The following SHISA9 variants were observed in gnomAD, a reference collection of about 807,000 sequenced individuals.
SHISA9 encodes protein shisa-9.
Under a neutral mutation model 38.0 loss-of-function variants are expected in SHISA9, and 13 were observed. That is an observed-to-expected ratio of 0.34 (90% CI 0.22 to 0.54). SHISA9 has a LOEUF of 0.54. Among genes scored for constraint, SHISA9 ranks in the 20% least tolerant of loss-of-function variants. SHISA9 has a pLI of 0.91. For missense variants in SHISA9, 538 were observed against 575.8 expected (o/e 0.93, Z 0.67); for synonymous variants, 275 against 242.0 (o/e 1.14, Z -1.27).
chr16:13,358,062 G>A, the SHISA9 span, among the ~76,000 whole-genome samples: 4 of 152,162 alleles, frequency 2.6e-5, no homozygotes, highest in Admixed American at 2.0e-4. Context: ...AGGCCTGACA[G>A]TATGCCTCTG....
At position 13,193,905 on chromosome 16, in the gene SHISA9, C is replaced by A. The variant is rs189970603; in HGVS notation, c.692-9489C>A. On this transcript the variant is annotated intron_variant, in intron 2 of 4. Coordinates refer to ENST00000558583, the MANE Select transcript of SHISA9 (RefSeq NM_001145204.3). ...CTGTTTCTTAACTGGCTCAGCTGCCCTGTGACAGCTCAGAGCTTCACTATG... is the reference window on the plus strand; with the variant it reads ...CTGTTTCTTAACTGGCTCAGCTGCCATGTGACAGCTCAGAGCTTCACTATG... Among the ~76,000 whole-genome samples the A allele has an allele frequency of 2.5e-3, 379 of 152,240 alleles. 6 individuals carry two copies. Among genetic ancestry groups the A allele is most frequent in the Non-Finnish European group, 3.0e-3 (202 of 68,022 alleles).
the SHISA9 span, among the ~76,000 whole-genome samples, chr16:13,530,934 A>T: frequency 6.6e-6 from 1 of 152,162 alleles, no homozygotes; most frequent in Non-Finnish European, 1.5e-5. Context: ...AATCTCTTCC[A>T]TTTCTGAATG....
intron 2 of SHISA9, among the ~76,000 whole-genome samples, chr16:13,199,332 G>A (rs1209682461): frequency 6.6e-6 from 1 of 152,206 alleles, no homozygotes; most frequent in Non-Finnish European, 1.5e-5. Context: ...CTATGCACGA[G>A]TCAGCCAAAT....
In SHISA9 at chr16:12,902,867, T is replaced by TGTGTGTGTGA. The variant is rs1177790785; in HGVS notation, c.563+241_563+242insTGTGTGTGAG. The TGTGTGTGTGA allele has an allele frequency of 3.8e-4, 192 of 503,198 alleles. 1 individual carries two copies. The East Asian group carries it at 3.9e-3, about 10-fold the overall frequency. The allele number at this position is 503,198 out of a possible 1,614,324, so 31.2% of individuals were successfully genotyped here. On this transcript the variant is annotated intron_variant, in intron 1 of 4. Transcript: ENST00000558583. ...GTGTGAGCGTGTGTGTGTGTGTGTGTGACTCTGCTCCCTCACCCTCTGGCC... is the reference window on the plus strand; with the variant it reads ...GTGTGAGCGTGTGTGTGTGTGTGTGTGTGTGTGTGAGACTCTGCTCCCTCACCCTCTGGCC...
chr16:13,380,372 T>TA, the SHISA9 span, among the ~76,000 whole-genome samples: 1 of 152,110 alleles, frequency 6.6e-6, no homozygotes, highest in South Asian at 2.1e-4. Flanking sequence ...TTCAATGCTT[T>TA]AAAAGAGAGA....
chr16:13,308,307 GA>G, the SHISA9 span, among the ~76,000 whole-genome samples: 1 of 151,938 alleles, frequency 6.6e-6, no homozygotes, highest in African/African-American at 2.4e-5. Context: ...CAATGTGGAT[GA>G]AAAGCACCAT....
chr16:12,910,840 C>T (rs889840175), intron 1 of SHISA9: 11 of 589,968 alleles, frequency 1.9e-5, no homozygotes, highest in South Asian at 7.4e-5. Context: ...GTCTGAAGGC[C>T]GACAGGCAGG....
At chr16:13,047,546 G>C (rs1439315278) in intron 2 of SHISA9, among the ~76,000 whole-genome samples, 1 of 152,108 alleles carries the variant, frequency 6.6e-6, no homozygotes, top group African/African-American at 2.4e-5. Context: ...CAGGACCTGG[G>C]GATTGTCTTT....
the SHISA9 span, among the ~76,000 whole-genome samples, chr16:13,477,036 G>A: frequency 2.0e-5 from 3 of 152,078 alleles, no homozygotes; most frequent in African/African-American, 4.8e-5. Context: ...GAGCCACTGC[G>A]CCCAGCCTTT....
the SHISA9 span, among the ~76,000 whole-genome samples, chr16:13,309,376 C>T: frequency 1.3e-5 from 2 of 152,090 alleles, no homozygotes; most frequent in Admixed American, 1.3e-4. Flanking sequence ...GGCGCAGTGA[C>T]TCACACCTGT....
chr16:12,959,618 A>T (rs761932222), intron 2 of SHISA9, among the ~76,000 whole-genome samples: 1 of 152,212 alleles, frequency 6.6e-6, no homozygotes, highest in Non-Finnish European at 1.5e-5. Flanking sequence ...GCGGAGAGAG[A>T]TAACCATTGT....
the SHISA9 span, among the ~76,000 whole-genome samples, chr16:13,317,825 ATTTTTTTTCCAGAAGTATC>A: frequency 6.6e-6 from 1 of 151,918 alleles, no homozygotes; most frequent in Non-Finnish European, 1.5e-5. Context: ...CAACTTCATG[ATTTTTTTTCCAGAAGTATC>A]TAAAGTCCCT....
At chr16:13,349,403 A>G in the SHISA9 span, among the ~76,000 whole-genome samples, 1 of 152,212 alleles carries the variant, frequency 6.6e-6, no homozygotes, top group African/African-American at 2.4e-5. Context: ...GACTCTAGAG[A>G]TGCGTATGTG....
the SHISA9 span, among the ~76,000 whole-genome samples, chr16:13,298,717 C>T: frequency 6.6e-6 from 1 of 152,200 alleles, no homozygotes; most frequent in African/African-American, 2.4e-5. Flanking sequence ...AGCCGTACTT[C>T]ATCTGGCGAA....
intron 2 of SHISA9, among the ~76,000 whole-genome samples, chr16:12,978,524 T>C (rs1464702823): frequency 6.6e-6 from 1 of 152,214 alleles, no homozygotes; most frequent in East Asian, 1.9e-4. Flanking sequence ...CTGCCAGTGA[T>C]GCACATTACT....
At chr16:12,916,858 C>T (rs781501107) in intron 2 of SHISA9, 43 bp downstream of exon 2, 3 of 1,540,196 alleles carry the variant, frequency 1.9e-6, no homozygotes, top group Admixed American at 2.0e-5. Context: ...CATGGGGTGA[C>T]CTGAGCAGTG....
chr16:13,049,185 TGTGTG>T (rs1567195031), intron 2 of SHISA9, among the ~76,000 whole-genome samples: 5 of 149,852 alleles, frequency 3.3e-5, no homozygotes, highest in African/African-American at 1.3e-4. Flanking sequence ...TGTGTGTGTG[TGTGTG>T]TGTGTGTGTG....
chr16:13,082,826 G>C (rs2073667886), intron 2 of SHISA9, among the ~76,000 whole-genome samples: 1 of 152,168 alleles, frequency 6.6e-6, no homozygotes, highest in African/African-American at 2.4e-5. Flanking sequence ...AAATAAAATA[G>C]GAATAAGGAA....
At chr16:13,512,779 AT>A in the SHISA9 span, among the ~76,000 whole-genome samples, 1 of 152,220 alleles carries the variant, frequency 6.6e-6, no homozygotes, top group African/African-American at 2.4e-5. Flanking sequence ...TATTTAATAA[AT>A]GGTGTTGGGA....
Sources: allele counts gnomAD v4.1 joint callset (sites outside exome capture counted in the v4.1 genomes callset), GRCh38; gene constraint gnomAD v4.1.1; transcripts MANE v1.5; gene names NCBI Gene and HGNC (gene_info 2026-07-23, HGNC 2026-07-21).